The following ATAD2B variants were observed in gnomAD, a reference collection of about 807,000 sequenced individuals.
ATAD2B encodes the protein ATPase family AAA domain containing 2B.
Under a neutral mutation model 167.6 loss-of-function variants are expected in ATAD2B, and 40 were observed. The ratio of observed to expected loss-of-function variants is 0.24; its 90% CI spans 0.19 to 0.31. The LOEUF (loss-of-function observed/expected upper bound fraction) is 0.31, where lower values mean the gene tolerates loss of function less well. Among genes scored for constraint, ATAD2B ranks in the 10% least tolerant of loss-of-function variants. The pLI is 1.00. For missense variants in ATAD2B, 1,242 were observed against 1,757.2 expected, an observed-to-expected ratio of 0.71 and a Z score of 5.24; for synonymous variants, 579 against 596.5, an observed-to-expected ratio of 0.97 and a Z score of 0.43.
At chr2:23,885,693 T>A (rs1698568245) in intron 5 of ATAD2B, 34 bp downstream of exon 5, 1 of 1,295,144 alleles carries the variant, frequency 7.7e-7, no homozygotes, top group Non-Finnish European at 1.1e-6. Flanking sequence ...AAATGAAAAA[T>A]ATTTACAAAG....
At chr2:23,690,185 ATGG>A in the ATAD2B span, 1 of 152,236 alleles carries the variant, frequency 6.6e-6, no homozygotes, top group African/African-American at 2.4e-5. Flanking sequence ...TGTCGCTCTA[ATGG>A]TGGAATTTCA....
chr2:23,914,840 C>CA (rs375215142), intron 1 of ATAD2B, among the ~76,000 whole-genome samples: 10,835 of 82,460 alleles, frequency 0.13, 511 homozygotes, highest in South Asian at 0.18. Context: ...GACTCCGTCT[C>CA]AAAAAAAAAA....
intron 2 of ATAD2B, among the ~76,000 whole-genome samples, chr2:23,890,989 A>C (rs534380699): frequency 6.6e-6 from 1 of 151,958 alleles, no homozygotes; most frequent in South Asian, 2.1e-4. Flanking sequence ...CATGAAATAC[A>C]TGAGTATATT....
At chr2:23,729,368 C>A in the ATAD2B span, among the ~76,000 whole-genome samples, 1 of 152,150 alleles carries the variant, frequency 6.6e-6, no homozygotes, top group Non-Finnish European at 1.5e-5. Context: ...GCAGGAGATT[C>A]ACAGCAACTA....
chr2:23,786,218 A>G lies in ATAD2B; in HGVS notation c.2782T>C (p.Cys928Arg). The G allele has an allele frequency of 6.4e-7, 1 of 1,571,340 alleles. No individual in the cohort carries two copies. The highest frequency in any genetic ancestry group is 2.3e-5 in the East Asian group (1 of 42,922). The change falls in exon 21 of 28, where the codon TGT (cysteine) becomes CGT (arginine). Residue 928 changes from cysteine (C) to arginine (R), a missense_variant. Cys to Arg is a radical substitution (Grantham distance 180, BLOSUM62 -3). Coordinates refer to ENST00000238789, the MANE Select transcript of ATAD2B (RefSeq NM_017552.4). ...GCAAGAGGAAGCACTTCCATAGCAC[A>G]AAGAGCTAGAGAAAACAGAAGAAAA... is the stretch of plus-strand genomic sequence containing the variant. ...APPRRKHAAL[C>R]AMEVLPLALP...
intron 13 of ATAD2B, among the ~76,000 whole-genome samples, chr2:23,840,249 C>T (rs1342739486): frequency 6.6e-6 from 1 of 152,126 alleles, no homozygotes; most frequent in Non-Finnish European, 1.5e-5. Flanking sequence ...TCTCCTTTCA[C>T]CTCTTAAGCT....
At chr2:23,791,578 C>T (rs1449787275) in intron 19 of ATAD2B, among the ~76,000 whole-genome samples, 2 of 151,784 alleles carry the variant, frequency 1.3e-5, no homozygotes, top group African/African-American at 4.8e-5. Flanking sequence ...TGATAATGAG[C>T]ATCTTTTCAT....
Position 23,863,405 on chromosome 2 carries a change from C to A in ATAD2B, c.1455G>T (p.Arg485Ser). 1 of 1,552,080 alleles carries A rather than the reference C, an allele frequency of 6.4e-7. No homozygotes were observed. The highest frequency in any genetic ancestry group is 8.7e-7 in the Non-Finnish European group (1 of 1,147,072). Residue 485 changes from arginine to serine, a missense_variant, in exon 12 of 28, where the codon AGG becomes AGT. By Grantham distance (110) the Arg-to-Ser change is moderately radical. This residue lies in a region of ATAD2B where 151 missense variants were observed against 284.1 expected (regional missense o/e 0.53). Coordinates refer to ENST00000238789, the MANE Select transcript of ATAD2B (RefSeq NM_017552.4). ...CCTGATCAAAAAGAAGCCTAAGTTGCCTTTCAGATTCACCAACCCACTTGC... is the reference window on the plus strand; with the variant it reads ...CCTGATCAAAAAGAAGCCTAAGTTGACTTTCAGATTCACCAACCCACTTGC... ...CLSKWVGESE[R>S]QLRLLFDQAY...
the ATAD2B span, among the ~76,000 whole-genome samples, chr2:23,727,721 T>A: frequency 6.5e-3 from 983 of 152,302 alleles, 6 homozygotes; most frequent in Non-Finnish European, 9.4e-3. Flanking sequence ...CAATGGAATA[T>A]TGCTCAGTGC....
At chr2:23,851,121 T>A (rs1052068144) in intron 13 of ATAD2B, among the ~76,000 whole-genome samples, 3 of 152,194 alleles carry the variant, frequency 2.0e-5, no homozygotes, top group Non-Finnish European at 4.4e-5. Context: ...AATGTTCTGC[T>A]ATTTCTAAGC....
chr2:23,786,259 G>T, intron 20 of ATAD2B, 36 bp from the exon 21 acceptor site: 1 of 1,499,464 alleles, frequency 6.7e-7, no homozygotes. Context: ...AGATTCCAAC[G>T]TCGTGGGCCA....
chr2:23,874,447 A>G (rs1416692792), intron 8 of ATAD2B, among the ~76,000 whole-genome samples: 1 of 151,872 alleles, frequency 6.6e-6, no homozygotes, highest in Non-Finnish European at 1.5e-5. Context: ...GGCTGGGCAC[A>G]GTAGCTCATG....
intron 17 of ATAD2B, among the ~76,000 whole-genome samples, chr2:23,816,645 G>A (rs1686499069): frequency 6.6e-6 from 1 of 152,234 alleles, no homozygotes; most frequent in East Asian, 1.9e-4. Flanking sequence ...ACCTGCAGGT[G>A]CTGGGGCTTT....
intron 17 of ATAD2B, 111 bp from the exon 18 acceptor site, chr2:23,810,613 C>A: frequency 2.5e-6 from 2 of 809,488 alleles, no homozygotes; most frequent in South Asian, 2.0e-5. Context: ...ATTAACAGAA[C>A]TTTCCTATAT....
At chr2:23,796,223 A>G (rs1021631285) in intron 19 of ATAD2B, among the ~76,000 whole-genome samples, 5 of 152,220 alleles carry the variant, frequency 3.3e-5, no homozygotes, top group African/African-American at 1.2e-4. Context: ...TTTAAAAACT[A>G]CTTATAAAGA....
At chr2:23,816,103 T>C (rs1320510058) in intron 17 of ATAD2B, among the ~76,000 whole-genome samples, 2 of 152,142 alleles carry the variant, frequency 1.3e-5, no homozygotes, top group African/African-American at 2.4e-5. Context: ...AACAAAAAGA[T>C]ATTATATTCA....
At chr2:23,865,901 A>G in intron 10 of ATAD2B, 1 of 764,552 alleles carries the variant, frequency 1.3e-6, no homozygotes, top group East Asian at 1.3e-4. Context: ...CAGACAAAAA[A>G]TGCTTTAAGA....
the ATAD2B span, among the ~76,000 whole-genome samples, chr2:23,702,872 G>A: frequency 1.4e-5 from 2 of 142,418 alleles, no homozygotes; most frequent in Non-Finnish European, 3.2e-5. Flanking sequence ...GAATGCAAGG[G>A]TAGGACTGAG....
chr2:23,705,572 G>A, the ATAD2B span, among the ~76,000 whole-genome samples: 1 of 152,066 alleles, frequency 6.6e-6, no homozygotes, highest in Non-Finnish European at 1.5e-5. Flanking sequence ...GGTAATAGGT[G>A]CACCACAGAA....
Sources: gnomAD v4.1 joint callset for allele counts (sites outside exome capture counted in the v4.1 genomes callset) on GRCh38, gnomAD v4.1.1 for gene constraint, gnomAD v4.1.1 regional missense constraint, MANE v1.5 for transcripts, NCBI Gene and HGNC (gene_info 2026-07-23, HGNC 2026-07-21) for gene names.